Variants in NPNT observed in about 807,000 individuals in gnomAD.
NPNT encodes preosteoblast EGF-like repeat protein with MAM domain.
A neutral mutation model predicts 68.6 loss-of-function variants in NPNT; 45 were observed. The observed-to-expected ratio is 0.66, with a 90% CI of 0.52 to 0.84. The LOEUF (loss-of-function observed/expected upper bound fraction) is 0.84. Among genes scored for constraint, NPNT ranks in the 40% least tolerant of loss-of-function variants. NPNT has a pLI of 0.00. For synonymous variants in NPNT, 233 were observed against 253.3 expected (o/e 0.92, Z 0.76); for missense variants, 672 against 714.8 (o/e 0.94, Z 0.68).
chr4:105,939,004 A>G (rs530386248), intron 5 of NPNT, among the ~76,000 whole-genome samples: 99 of 152,296 alleles, frequency 6.5e-4, no homozygotes, highest in African/African-American at 2.2e-3. Context: ...GCTTAGCACA[A>G]TACCTAGCAT....
intron 2 of NPNT, among the ~76,000 whole-genome samples, chr4:105,903,176 C>T (rs1342894785): frequency 6.6e-6 from 1 of 152,178 alleles, no homozygotes; most frequent in Non-Finnish European, 1.5e-5. Flanking sequence ...TTTTGATATG[C>T]TTTAAAAAAT....
At chr4:105,934,300 C>T (rs1172394692) in intron 3 of NPNT, among the ~76,000 whole-genome samples, 1 of 152,020 alleles carries the variant, frequency 6.6e-6, no homozygotes, top group Non-Finnish European at 1.5e-5. Flanking sequence ...GGCACTAGGT[C>T]AATGAGAAAA....
At chr4:105,935,856 A>G (rs548230420) in intron 3 of NPNT, among the ~76,000 whole-genome samples, 31 of 152,310 alleles carry the variant, frequency 2.0e-4, no homozygotes, top group African/African-American at 6.7e-4. Flanking sequence ...AAATATACAG[A>G]TTTCTAATAA....
At chr4:105,912,038 CAT>C (rs1727410142) in intron 2 of NPNT, 1 of 633,690 alleles carries the variant, frequency 1.6e-6, no homozygotes. Context: ...CTATTTTAAA[CAT>C]GTCCTAGATT....
intron 2 of NPNT, among the ~76,000 whole-genome samples, chr4:105,913,172 A>G (rs1394102483): frequency 9.2e-5 from 14 of 152,188 alleles, no homozygotes; most frequent in African/African-American, 3.1e-4. Context: ...CGGCCTGAGA[A>G]TGTTCTTTAA....
chr4:105,904,140 T>A (rs919038266), intron 2 of NPNT, among the ~76,000 whole-genome samples: 3 of 152,212 alleles, frequency 2.0e-5, no homozygotes, highest in African/African-American at 7.2e-5. Flanking sequence ...CTGTAATTTA[T>A]TAGCAAGTCT....
intron 8 of NPNT, among the ~76,000 whole-genome samples, chr4:105,952,311 C>T (rs1454138833): frequency 1.3e-5 from 2 of 152,088 alleles, no homozygotes; most frequent in South Asian, 2.1e-4. Context: ...TAGAAACTTG[C>T]GATTTTATTC....
At position 105,898,022 on chromosome 4, in the gene NPNT, C is replaced by T. The variant is rs1419511670; in HGVS notation, c.172+21C>T. 3 of 1,513,104 alleles carry T rather than the reference C, an allele frequency of 2.0e-6. No homozygotes were observed. In the South Asian group the frequency reaches 3.6e-5, roughly 18 times the overall value. 93.7% of individuals were successfully genotyped at this position (1,513,104 alleles called of 1,614,324 possible). On this transcript the variant is annotated intron_variant, in intron 2 of 11. Transcript: ENST00000379987. ...TCAGCGTGAGTATCAAGCCTGGGGACTTCAGTTCCCTGGGAGGTGTGGCTT... is the reference window on the plus strand; with the variant it reads ...TCAGCGTGAGTATCAAGCCTGGGGATTTCAGTTCCCTGGGAGGTGTGGCTT...
chr4:105,950,480 G>A (rs2149388962), intron 8 of NPNT, among the ~76,000 whole-genome samples: 1 of 151,884 alleles, frequency 6.6e-6, no homozygotes, highest in East Asian at 1.9e-4. Flanking sequence ...TGAGACACAG[G>A]CTCACTCTTT....
At chr4:105,920,030 T>G (rs1247347937) in intron 2 of NPNT, among the ~76,000 whole-genome samples, 1 of 152,096 alleles carries the variant, frequency 6.6e-6, no homozygotes, top group Non-Finnish European at 1.5e-5. Context: ...CCGTTCCTTC[T>G]ACATGTTAGT....
In NPNT at chr4:105,895,622, C is replaced by T. The variant is rs1402097358; in HGVS notation, c.-31C>T. The T allele has an allele frequency of 6.5e-7, 1 of 1,544,640 alleles. No individual in the cohort carries two copies. Among genetic ancestry groups the T allele is most frequent in the Admixed American group, 2.0e-5 (1 of 50,952 alleles). The stretch of plus-strand genomic sequence containing the variant: ...ACCCCAACCTGTTCCTCGCGCGCCA[C>T]TGCGCTGCGCCCCAGGACCCGCTGC... On this transcript the variant is annotated 5_prime_UTR_variant, in exon 1 of 12. Transcript: ENST00000379987.
rs147676930 is a variant in NPNT at position 105,935,355 on chromosome 4, T to A, written c.266-1654T>A. Among the ~76,000 whole-genome samples the A allele has an allele frequency of 9.8e-3, 1,493 of 152,300 alleles. 7 individuals carry two copies. The highest frequency in any genetic ancestry group is 0.013 in the South Asian group (64 of 4,830). ...AAGATTTATCAAAGACAGGTGTGAC[T>A]CTGCAGGACCATATTAGGAACAGTC... is the stretch of plus-strand genomic sequence containing the variant. On this transcript the variant is annotated intron_variant, in intron 3 of 11. Coordinates refer to ENST00000379987, the MANE Select transcript of NPNT (RefSeq NM_001033047.3).
chr4:105,945,163 A>C (rs1213827644), intron 8 of NPNT, among the ~76,000 whole-genome samples: 1 of 103,574 alleles, frequency 9.7e-6, no homozygotes, highest in Non-Finnish European at 2.0e-5. Context: ...ATTGATTTTT[A>C]ATTGACAGAT....
chr4:105,895,615 C>T lies in NPNT; in HGVS notation c.-38C>T. ...GCCCACCACCCCAACCTGTTCCTCG[C>T]GCGCCACTGCGCTGCGCCCCAGGAC... On this transcript the variant is annotated 5_prime_UTR_variant, in exon 1 of 12. Transcript: ENST00000379987. 1 of 1,529,626 alleles carries T rather than the reference C, an allele frequency of 6.5e-7. No homozygotes were observed. The highest frequency in any genetic ancestry group is 2.5e-5 in the East Asian group (1 of 40,700). 94.8% of individuals were successfully genotyped at this position (1,529,626 alleles called of 1,614,324 possible).
At chr4:105,934,140 C>T (rs1013583348) in intron 3 of NPNT, among the ~76,000 whole-genome samples, 1 of 152,058 alleles carries the variant, frequency 6.6e-6, no homozygotes, top group Non-Finnish European at 1.5e-5. Context: ...TCAATGACTT[C>T]ATTTTGTTCT....
chr4:105,965,270 A>C (rs909756718), intron 10 of NPNT, among the ~76,000 whole-genome samples: 2 of 151,696 alleles, frequency 1.3e-5, no homozygotes, highest in Non-Finnish European at 2.9e-5. Flanking sequence ...TTAATAGGTA[A>C]CTTGCTTGAC....
At chr4:105,918,122 G>C (rs996565716) in intron 2 of NPNT, among the ~76,000 whole-genome samples, 1 of 152,110 alleles carries the variant, frequency 6.6e-6, no homozygotes, top group Non-Finnish European at 1.5e-5. Context: ...TCTGTTTAAG[G>C]TTCTTCAACA....
Position 105,970,180 on chromosome 4 carries a change from A to T in NPNT, c.*1190A>T, listed in dbSNP as rs576036937. 2 of 529,022 alleles carry T rather than the reference A, an allele frequency of 3.8e-6. No homozygotes were observed. Among genetic ancestry groups the T allele is most frequent in the Non-Finnish European group, 6.8e-6 (2 of 293,258 alleles). 32.8% of individuals were successfully genotyped at this position (529,022 alleles called of 1,614,324 possible). On this transcript the variant is annotated 3_prime_UTR_variant, in exon 12 of 12. Coordinates refer to ENST00000379987, the MANE Select transcript of NPNT (RefSeq NM_001033047.3). ...GGAAGCAAGTCCCATGCTTAGAGGC[A>T]TGGGATGTGTTGGAACGGGATTTAC...
chr4:105,929,603 A>G (rs760953249), intron 3 of NPNT: 1 of 152,214 alleles, frequency 6.6e-6, no homozygotes, highest in African/African-American at 2.4e-5. Context: ...TTGGATGCCA[A>G]TGTTCATCTT....
Sources: allele counts gnomAD v4.1 joint callset (sites outside exome capture counted in the v4.1 genomes callset), GRCh38; gene constraint gnomAD v4.1.1; transcripts MANE v1.5; gene names NCBI Gene and HGNC (gene_info 2026-07-23, HGNC 2026-07-21).